The following IMMP2L variants were observed in gnomAD, a reference collection of about 807,000 sequenced individuals.
IMMP2L encodes the protein inner mitochondrial membrane peptidase subunit 2, also known as mitochondrial inner membrane protease subunit 2.
A neutral mutation model predicts 19.3 loss-of-function variants in IMMP2L; 18 were observed. The ratio of observed to expected loss-of-function variants is 0.93; its 90% CI spans 0.64 to 1.38. The LOEUF is 1.38. Ranked by LOEUF, IMMP2L falls within the 40% of genes most tolerant of loss-of-function variation. The pLI, the probability that IMMP2L is intolerant of heterozygous loss-of-function variation, is 0.00. For synonymous variants in IMMP2L, 76 were observed against 73.0 expected, an observed-to-expected ratio of 1.04 and a Z score of -0.21; for missense variants, 233 against 218.2, an observed-to-expected ratio of 1.07 and a Z score of -0.43.
intron 3 of IMMP2L, among the ~76,000 whole-genome samples, chr7:111,320,451 C>T (rs1824566494): frequency 6.6e-6 from 1 of 152,028 alleles, no homozygotes; most frequent in African/African-American, 2.4e-5. Flanking sequence ...AACTGGTTTC[C>T]CTTTCTCTGG....
chr7:110,740,221 A>G (rs934455966), intron 5 of IMMP2L, among the ~76,000 whole-genome samples: 2 of 152,200 alleles, frequency 1.3e-5, no homozygotes, highest in African/African-American at 4.8e-5. Flanking sequence ...ATCTGAGCAG[A>G]ACTAAATGAA....
intron 3 of IMMP2L, among the ~76,000 whole-genome samples, chr7:111,040,505 A>C (rs1470627645): frequency 1.3e-5 from 2 of 151,754 alleles, no homozygotes; most frequent in East Asian, 1.9e-4. Flanking sequence ...GGGAGTGTTT[A>C]ATCAAATTTA....
intron 5 of IMMP2L, among the ~76,000 whole-genome samples, chr7:110,698,762 T>C (rs1794056817): frequency 6.6e-6 from 1 of 152,210 alleles, no homozygotes; most frequent in African/African-American, 2.4e-5. Context: ...ATGTGTCCAG[T>C]ATTCACCTTA....
intron 3 of IMMP2L, among the ~76,000 whole-genome samples, chr7:111,466,343 TA>T (rs919414549): frequency 1.3e-5 from 2 of 151,892 alleles, no homozygotes; most frequent in African/African-American, 2.4e-5. Context: ...TAAAGTATAA[TA>T]AAAAAAATTA....
intron 3 of IMMP2L, among the ~76,000 whole-genome samples, chr7:110,992,827 C>A (rs1266561218): frequency 6.6e-6 from 1 of 152,076 alleles, no homozygotes; most frequent in Non-Finnish European, 1.5e-5. Context: ...TTGCCAGCTT[C>A]ATGGCAAATA....
intron 4 of IMMP2L, among the ~76,000 whole-genome samples, chr7:110,952,143 G>A (rs1384544291): frequency 1.3e-5 from 2 of 151,800 alleles, no homozygotes; most frequent in Admixed American, 1.3e-4. Flanking sequence ...ACCATTGACA[G>A]AGAAAAAAAA....
At chr7:110,719,405 T>C (rs1220523417) in intron 5 of IMMP2L, among the ~76,000 whole-genome samples, 1 of 152,176 alleles carries the variant, frequency 6.6e-6, no homozygotes, top group East Asian at 1.9e-4. Context: ...ACTCATGTAA[T>C]ACACAACCAA....
At chr7:111,011,968 A>C (rs1030961763) in intron 3 of IMMP2L, among the ~76,000 whole-genome samples, 4 of 152,032 alleles carry the variant, frequency 2.6e-5, no homozygotes, top group Non-Finnish European at 4.4e-5. Flanking sequence ...ACTGGAGCCC[A>C]CTTTTCCAGA....
chr7:110,957,642 A>G (rs1454966746), intron 4 of IMMP2L, among the ~76,000 whole-genome samples: 2 of 151,976 alleles, frequency 1.3e-5, no homozygotes, highest in African/African-American at 4.8e-5. Flanking sequence ...TCCCTCCTTC[A>G]GTAAAGTCCC....
chr7:110,675,640 A>G (rs540690838), intron 5 of IMMP2L, among the ~76,000 whole-genome samples: 1 of 152,364 alleles, frequency 6.6e-6, no homozygotes, highest in Non-Finnish European at 1.5e-5. Context: ...AATGACCAAT[A>G]CAAAGTAATT....
intron 5 of IMMP2L, among the ~76,000 whole-genome samples, chr7:110,820,165 A>T (rs1802895479): frequency 6.6e-6 from 1 of 152,072 alleles, no homozygotes; most frequent in Non-Finnish European, 1.5e-5. Flanking sequence ...TTCAGGGTAC[A>T]ATACAAAATC....
intron 3 of IMMP2L, among the ~76,000 whole-genome samples, chr7:111,239,831 C>A (rs931286757): frequency 4.6e-5 from 7 of 151,860 alleles, no homozygotes; most frequent in African/African-American, 1.7e-4. Flanking sequence ...ATGAGCAAGC[C>A]TAAGTGTTCT....
chr7:111,039,072 A>G (rs562221419), intron 3 of IMMP2L, among the ~76,000 whole-genome samples: 2 of 152,326 alleles, frequency 1.3e-5, no homozygotes, highest in Admixed American at 6.5e-5. Context: ...TCAAACTTTG[A>G]TAAGCACAAT....
chr7:111,171,283 T>C (rs1414753903), intron 3 of IMMP2L, among the ~76,000 whole-genome samples: 1 of 151,702 alleles, frequency 6.6e-6, no homozygotes, highest in African/African-American at 2.4e-5. Flanking sequence ...TATCATGAAT[T>C]AAATTTTCCC....
intron 3 of IMMP2L, among the ~76,000 whole-genome samples, chr7:111,014,270 G>T (rs1196078784): frequency 6.6e-6 from 1 of 151,940 alleles, no homozygotes; most frequent in Non-Finnish European, 1.5e-5. Context: ...CACGAAAATT[G>T]CTTGAACCTG....
chr7:111,528,525 C>T (rs1847099526), intron 1 of IMMP2L, among the ~76,000 whole-genome samples: 1 of 152,180 alleles, frequency 6.6e-6, no homozygotes, highest in Admixed American at 6.5e-5. Flanking sequence ...GCATACAGCA[C>T]TTACAAGTGA....
chr7:111,060,694 T>C (rs1245453168), intron 3 of IMMP2L, among the ~76,000 whole-genome samples: 2 of 152,202 alleles, frequency 1.3e-5, no homozygotes, highest in Admixed American at 6.5e-5. Context: ...ATGCATTAAT[T>C]CATGTAAAGT....
chr7:111,238,725 T>C (rs997691977), intron 3 of IMMP2L, among the ~76,000 whole-genome samples: 4 of 151,992 alleles, frequency 2.6e-5, no homozygotes, highest in South Asian at 2.1e-4. Flanking sequence ...ACTTGTTACA[T>C]AGAAAAATAG....
intron 3 of IMMP2L, among the ~76,000 whole-genome samples, chr7:111,405,203 T>G (rs1196900988): frequency 6.6e-6 from 1 of 152,098 alleles, no homozygotes; most frequent in Non-Finnish European, 1.5e-5. Flanking sequence ...TTATAAAAAT[T>G]TCAAAGGTCT....
Sources: allele counts gnomAD v4.1 joint callset (sites outside exome capture counted in the v4.1 genomes callset), GRCh38; gene constraint gnomAD v4.1.1; transcripts MANE v1.5; gene names NCBI Gene and HGNC (gene_info 2026-07-23, HGNC 2026-07-21).